LIN52: variants seen among roughly 807,000 people sequenced by gnomAD.
LIN52 encodes the protein lin-52 DREAM MuvB core complex component.
A neutral mutation model predicts 18.5 loss-of-function variants in LIN52; 4 were observed. The observed-to-expected ratio is 0.22, with a 90% CI of 0.11 to 0.49. LIN52 has a LOEUF of 0.49. Among genes scored for constraint, LIN52 ranks in the 20% least tolerant of loss-of-function variants. The pLI is 0.97. For synonymous variants in LIN52, 34 were observed against 45.5 expected (o/e 0.75, Z 1.02); for missense variants, 102 against 139.5 (o/e 0.73, Z 1.35).
chr14:74,135,073 G>A (rs753585783), intron 5 of LIN52, among the ~76,000 whole-genome samples: 1 of 152,024 alleles, frequency 6.6e-6, no homozygotes, highest in Non-Finnish European at 1.5e-5. Flanking sequence ...TGTTGTTGTC[G>A]TTGTTGTTTT....
intron 5 of LIN52, among the ~76,000 whole-genome samples, chr14:74,118,776 A>C (rs2060979373): frequency 1.3e-5 from 2 of 152,182 alleles, no homozygotes; most frequent in African/African-American, 4.8e-5. Context: ...CCCTATCTCA[A>C]AACAAAACAC....
chr14:74,151,473 A>G (rs2139555950), intron 5 of LIN52, among the ~76,000 whole-genome samples: 1 of 152,046 alleles, frequency 6.6e-6, no homozygotes, highest in Middle Eastern at 3.4e-3. Flanking sequence ...AAATTTATTA[A>G]TGAGGTGATT....
At chr14:74,123,726 A>C (rs919221060) in intron 5 of LIN52, among the ~76,000 whole-genome samples, 1 of 152,162 alleles carries the variant, frequency 6.6e-6, no homozygotes, top group African/African-American at 2.4e-5. Context: ...GGCTGGACCT[A>C]ATGATAGTAA....
At chr14:74,156,353 AC>A (rs2061199154) in intron 5 of LIN52, among the ~76,000 whole-genome samples, 1 of 152,076 alleles carries the variant, frequency 6.6e-6, no homozygotes, top group South Asian at 2.1e-4. Flanking sequence ...AATTCTAATA[AC>A]CCTTTCCTAT....
intron 5 of LIN52, among the ~76,000 whole-genome samples, chr14:74,184,654 A>G (rs1231891543): frequency 6.6e-6 from 1 of 152,250 alleles, no homozygotes; most frequent in African/African-American, 2.4e-5. Flanking sequence ...TTATTATTCT[A>G]TTAAATCGGC....
At chr14:74,110,378 C>G (rs1268782292) in intron 5 of LIN52, among the ~76,000 whole-genome samples, 2 of 152,062 alleles carry the variant, frequency 1.3e-5, no homozygotes, top group East Asian at 3.9e-4. Flanking sequence ...AAGACCCCAT[C>G]TCTAAAAGAA....
chr14:74,194,840 C>G (rs1199633013), intron 5 of LIN52, among the ~76,000 whole-genome samples: 2 of 152,006 alleles, frequency 1.3e-5, no homozygotes, highest in Non-Finnish European at 1.5e-5. Context: ...AGAATAAATC[C>G]AGAATCAAAA....
intron 5 of LIN52, among the ~76,000 whole-genome samples, chr14:74,196,196 A>G (rs2078911518): frequency 1.3e-5 from 2 of 152,218 alleles, no homozygotes; most frequent in Non-Finnish European, 2.9e-5. Context: ...GAGTAGAAAA[A>G]GGGTTGTTAA....
At chr14:74,196,476 G>A (rs1448333823) in intron 5 of LIN52, among the ~76,000 whole-genome samples, 1 of 152,056 alleles carries the variant, frequency 6.6e-6, no homozygotes, top group Non-Finnish European at 1.5e-5. Context: ...GAAGACTTTT[G>A]TATTGACCGT....
chr14:74,115,564 A>G (rs1056109141), intron 5 of LIN52, among the ~76,000 whole-genome samples: 2 of 152,220 alleles, frequency 1.3e-5, no homozygotes, highest in African/African-American at 4.8e-5. Flanking sequence ...TGCCATAGTC[A>G]TTAGCTTTGC....
At chr14:74,188,738 A>G (rs773448721) in intron 5 of LIN52, among the ~76,000 whole-genome samples, 3 of 152,164 alleles carry the variant, frequency 2.0e-5, no homozygotes, top group Non-Finnish European at 4.4e-5. Flanking sequence ...CAGGAGTGAG[A>G]GAAATTAATC....
At chr14:74,116,777 T>C (rs2060967330) in intron 5 of LIN52, among the ~76,000 whole-genome samples, 1 of 148,590 alleles carries the variant, frequency 6.7e-6, no homozygotes, top group Non-Finnish European at 1.5e-5. Flanking sequence ...ATTCATTATA[T>C]ATAAGGATAA....
chr14:74,197,537 C>T (rs556465299), intron 5 of LIN52, among the ~76,000 whole-genome samples: 11 of 152,230 alleles, frequency 7.2e-5, no homozygotes, highest in African/African-American at 2.6e-4. Context: ...TAATTGCATG[C>T]AAGTCTTATG....
intron 4 of LIN52, 109 bp from the exon 5 acceptor site, chr14:74,101,046 A>G (rs2060850515): frequency 5.1e-6 from 4 of 789,648 alleles, no homozygotes; most frequent in East Asian, 5.3e-5. Context: ...CTACTTATTC[A>G]GTGGTAATTA....
At chr14:74,193,100 G>C (rs557729674) in intron 5 of LIN52, among the ~76,000 whole-genome samples, 12 of 152,130 alleles carry the variant, frequency 7.9e-5, no homozygotes, top group African/African-American at 2.9e-4. Context: ...CTGATTCTGT[G>C]GCAATGCCCC....
At chr14:74,135,910 T>G (rs1183442168) in intron 5 of LIN52, among the ~76,000 whole-genome samples, 1 of 152,172 alleles carries the variant, frequency 6.6e-6, no homozygotes, top group South Asian at 2.1e-4. Context: ...TTGTAAAGTT[T>G]AGTGTTCATT....
rs1189515836 is a variant in LIN52 at position 74,152,959 on chromosome 14, C to CAAA, written c.284-45942_284-45940dup. Among the ~76,000 whole-genome samples the CAAA allele has an allele frequency of 2.1e-3, 87 of 41,406 alleles. 1 individual carries two copies. The highest frequency in any genetic ancestry group is 6.2e-3 in the African/African-American group (77 of 12,510). 27.2% of individuals were successfully genotyped at this position (41,406 alleles called of 152,430 possible). ...GGGGCAACAAAGCAAGACTCTGTCT[C>CAAA]AAAAAAAAAAAAAAAAAAAAAAAGC... On this transcript the variant is annotated intron_variant, in intron 5 of 5. Transcript: ENST00000555028.
intron 5 of LIN52, among the ~76,000 whole-genome samples, chr14:74,125,601 C>T (rs1054467910): frequency 2.6e-4 from 40 of 151,826 alleles, no homozygotes; most frequent in African/African-American, 8.5e-4. Context: ...ATGTTTATTG[C>T]GGCACTATTC....
intron 5 of LIN52, among the ~76,000 whole-genome samples, chr14:74,108,060 T>C (rs1019072723): frequency 2.0e-5 from 3 of 152,202 alleles, no homozygotes; most frequent in Non-Finnish European, 2.9e-5. Context: ...GGCTGTTACT[T>C]ACTGGCTTCA....
Sources: allele counts gnomAD v4.1 joint callset (sites outside exome capture counted in the v4.1 genomes callset), GRCh38; gene constraint gnomAD v4.1.1; transcripts MANE v1.5; gene names NCBI Gene and HGNC (gene_info 2026-07-23, HGNC 2026-07-21).